Variants in PTPRN2 observed in about 807,000 individuals in gnomAD.
The protein encoded by PTPRN2 is receptor-type tyrosine-protein phosphatase N2.
A neutral mutation model predicts 118.8 loss-of-function variants in PTPRN2; 74 were observed. The observed-to-expected ratio is 0.62, with a 90% confidence interval of 0.52 to 0.76. PTPRN2 has a LOEUF of 0.76. Ranked by LOEUF, PTPRN2 falls within the 30% of genes least tolerant of loss-of-function variation. The probability of loss-of-function intolerance (pLI) is 0.00; values close to 1 mark genes in which losing one functional copy is unlikely to be tolerated. For missense variants in PTPRN2, 1,481 were observed against 1,394.4 expected (o/e 1.06, Z -0.99); for synonymous variants, 641 against 608.0 (o/e 1.05, Z -0.80).
intron 17 of PTPRN2, among the ~76,000 whole-genome samples, chr7:157,592,053 C>T (rs917028317): frequency 3.3e-5 from 5 of 152,192 alleles, no homozygotes; most frequent in Non-Finnish European, 7.3e-5. Context: ...CTGGGGTTTC[C>T]TGGAACCACC....
At chr7:157,731,398 T>C (rs1799892557) in intron 12 of PTPRN2, among the ~76,000 whole-genome samples, 1 of 152,172 alleles carries the variant, frequency 6.6e-6, no homozygotes, top group Non-Finnish European at 1.5e-5. Context: ...ACAAAACCCA[T>C]GGACAGAACA....
rs1252016505 is a variant in PTPRN2 at position 157,619,454 on chromosome 7, G to C, written c.2344+1908C>G. ...CCTCCCCCAGGCTGCTCCTCTCTGA[G>C]GACAGTGGCCAGGCCCCCAGAGCCT... is the stretch of plus-strand genomic sequence containing the variant. On this transcript the variant is annotated intron_variant, in intron 15 of 22. Coordinates refer to ENST00000389418, the MANE Select transcript of PTPRN2 (RefSeq NM_002847.5). The surrounding 1 kb of genome is among the most constrained non-coding windows in gnomAD (Gnocchi z 5.3). Among the ~76,000 whole-genome samples the C allele has an allele frequency of 6.6e-6, 1 of 152,148 alleles. No homozygotes were observed. Among genetic ancestry groups the C allele is most frequent in the Non-Finnish European group, 1.5e-5 (1 of 68,048 alleles).
intron 3 of PTPRN2, among the ~76,000 whole-genome samples, chr7:158,245,227 T>C (rs1336678136): frequency 6.8e-6 from 1 of 147,428 alleles, no homozygotes; most frequent in Non-Finnish European, 1.5e-5. Context: ...CCGGAACCCA[T>C]GGCCATGCCG....
chr7:158,321,620 C>T (rs969652763), intron 2 of PTPRN2, among the ~76,000 whole-genome samples: 5 of 152,202 alleles, frequency 3.3e-5, no homozygotes, highest in Non-Finnish European at 7.3e-5. Context: ...TCGTCCAGAA[C>T]GGGCATTCCA....
intron 12 of PTPRN2, among the ~76,000 whole-genome samples, chr7:157,838,437 A>C (rs112591009): frequency 1.2e-5 from 1 of 81,622 alleles, no homozygotes; most frequent in Non-Finnish European, 2.4e-5. Context: ...GCTCCTCTCC[A>C]CCGTGGCTAC....
chr7:157,635,813 C>T (rs1351077262), intron 14 of PTPRN2, among the ~76,000 whole-genome samples: 1 of 151,970 alleles, frequency 6.6e-6, no homozygotes, highest in African/African-American at 2.4e-5. Flanking sequence ...TTCTTAGCCT[C>T]AGCTCTTTCC....
At chr7:158,054,591 G>A (rs1398957743) in intron 11 of PTPRN2, among the ~76,000 whole-genome samples, 1 of 152,228 alleles carries the variant, frequency 6.6e-6, no homozygotes, top group African/African-American at 2.4e-5. Context: ...TCTCGCAGGT[G>A]CAGCCTCCTC....
intron 11 of PTPRN2, among the ~76,000 whole-genome samples, chr7:158,073,595 A>G (rs529784510): frequency 1.9e-4 from 28 of 151,248 alleles, no homozygotes; most frequent in Admixed American, 1.0e-3. Flanking sequence ...GCCGCTTCCT[A>G]CTAAGGTATG....
At chr7:158,538,462 C>G (rs1825780294) in intron 1 of PTPRN2, among the ~76,000 whole-genome samples, 1 of 152,202 alleles carries the variant, frequency 6.6e-6, no homozygotes, top group South Asian at 2.1e-4. Context: ...AAGGCTATGG[C>G]TGCAAGTTTC....
intron 12 of PTPRN2, among the ~76,000 whole-genome samples, chr7:157,693,068 T>G (rs1436398417): frequency 7.5e-6 from 1 of 132,466 alleles, no homozygotes; most frequent in Non-Finnish European, 1.6e-5. Flanking sequence ...GGAGGGGAGG[T>G]GGCGCTGGGG....
chr7:157,890,371 G>A (rs1158809600), intron 12 of PTPRN2, among the ~76,000 whole-genome samples: 1 of 152,186 alleles, frequency 6.6e-6, no homozygotes, highest in African/African-American at 2.4e-5. Context: ...GCTGGGCACG[G>A]TGGCTCAGGC....
chr7:158,581,825 C>T (rs1828640998), intron 1 of PTPRN2, among the ~76,000 whole-genome samples: 1 of 152,222 alleles, frequency 6.6e-6, no homozygotes, highest in Non-Finnish European at 1.5e-5. Context: ...CACACAGAAG[C>T]CGTTCAAGAC....
chr7:158,557,629 G>A lies in PTPRN2; in HGVS notation c.112+29929C>T, dbSNP rs73510597. Among the ~76,000 whole-genome samples the A allele has an allele frequency of 8.3e-3, 1,265 of 152,328 alleles. 19 individuals are homozygous for A. The highest frequency in any genetic ancestry group is 0.028 in the African/African-American group (1,171 of 41,564). On this transcript the variant is annotated intron_variant, in intron 1 of 22. Transcript: ENST00000389418. ...TGAGAACAGGCCCCTCCTGGCCTAC[G>A]CTTTCTCATCATGTAGCTGTATTTC...
rs149305868 is a variant in PTPRN2, at chr7:157,886,076, C to G, written c.1788+12597G>C. 7.9e-5 allele frequency among the ~76,000 whole-genome samples: 12 copies of G among 152,344 alleles called. No individual in the cohort carries two copies. In the East Asian group the frequency reaches 2.3e-3, roughly 29 times the overall value. ...ACTCCAAGTCTGATGGGTTGACCCA[C>G]TGAAAGGGGTTTCTGGATTATTACA... On this transcript the variant is annotated intron_variant, in intron 12 of 22. Transcript: ENST00000389418.
At chr7:158,128,412 ATT>A (rs368601500) in intron 9 of PTPRN2, among the ~76,000 whole-genome samples, 2 of 150,980 alleles carry the variant, frequency 1.3e-5, no homozygotes, top group African/African-American at 4.9e-5. Context: ...TAACATGATG[ATT>A]TTTTTTTTCT....
At chr7:157,858,146 CCCG>C (rs1563179161) in intron 12 of PTPRN2, among the ~76,000 whole-genome samples, 151 of 61,722 alleles carry the variant, frequency 2.4e-3, no homozygotes, top group Middle Eastern at 7.9e-3. Context: ...CAGGGAGAGC[CCCG>C]TCACCACCCA....
intron 12 of PTPRN2, among the ~76,000 whole-genome samples, chr7:157,723,346 T>C (rs956050463): frequency 3.9e-5 from 6 of 152,084 alleles, no homozygotes; most frequent in African/African-American, 1.4e-4. Context: ...GCTGAATGCC[T>C]CCCCTGGTGT....
At chr7:158,195,259 A>G (rs1826122569) in intron 4 of PTPRN2, among the ~76,000 whole-genome samples, 1 of 152,214 alleles carries the variant, frequency 6.6e-6, no homozygotes, top group African/African-American at 2.4e-5. Flanking sequence ...TCCTTTCAGT[A>G]CTTTAAAAAT....
chr7:158,151,516 A>ACACCGCCCGCCTTTCTATTCCTGC (rs1563522299), intron 6 of PTPRN2, among the ~76,000 whole-genome samples: 2 of 10,436 alleles, frequency 1.9e-4, no homozygotes, highest in African/African-American at 3.7e-4. Flanking sequence ...TCTGCTCCTC[A>ACACCGCCCGCCTTTCTATTCCTGC]CCGCACGTCC....
Sources: allele counts gnomAD v4.1 joint callset (sites outside exome capture counted in the v4.1 genomes callset), GRCh38; gene constraint gnomAD v4.1.1; non-coding constraint Gnocchi (gnomAD v3.1); transcripts MANE v1.5; gene names NCBI Gene and HGNC (gene_info 2026-07-23, HGNC 2026-07-21).